KCTD1: variants seen among roughly 807,000 people sequenced by gnomAD.
The protein encoded by KCTD1 is BTB/POZ domain-containing protein KCTD1.
In KCTD1, 24 loss-of-function variants were observed where a neutral mutation model predicts 66.0. The observed-to-expected ratio is 0.36, with a 90% CI of 0.26 to 0.51. The LOEUF (loss-of-function observed/expected upper bound fraction) is 0.51. KCTD1 is among the 20% of genes least tolerant of loss of function. KCTD1 has a pLI of 0.95. For missense variants in KCTD1, 943 were observed against 1,205.2 expected (o/e 0.78, Z 3.22); for synonymous variants, 511 against 517.2 (o/e 0.99, Z 0.16).
intron 1 of KCTD1, among the ~76,000 whole-genome samples, chr18:26,546,066 C>A (rs1953041885): frequency 6.6e-6 from 1 of 152,090 alleles, no homozygotes; most frequent in South Asian, 2.1e-4. Context: ...GCACCACAGG[C>A]CCATACTCCA....
intron 1 of KCTD1, among the ~76,000 whole-genome samples, chr18:26,564,539 A>G (rs1231965536): frequency 6.6e-6 from 1 of 152,090 alleles, no homozygotes; most frequent in Non-Finnish European, 1.5e-5. Context: ...ATACTTCTAT[A>G]TTATTTTATT....
At chr18:26,636,583 C>T (rs1218681530) in intron 1 of KCTD1, among the ~76,000 whole-genome samples, 3 of 152,298 alleles carry the variant, frequency 2.0e-5, no homozygotes, top group African/African-American at 7.2e-5. Context: ...AAAGTAATCG[C>T]GGTTCTTCTT....
intron 1 of KCTD1, among the ~76,000 whole-genome samples, chr18:26,567,871 CT>C (rs1567996282): frequency 1.3e-5 from 2 of 152,144 alleles, no homozygotes; most frequent in Admixed American, 6.5e-5. Flanking sequence ...AAAAAAGCAG[CT>C]GTCCTTCTCC....
At chr18:26,603,787 T>C (rs977895316) in intron 1 of KCTD1, among the ~76,000 whole-genome samples, 1 of 141,112 alleles carries the variant, frequency 7.1e-6, no homozygotes. Context: ...AATAAATAAA[T>C]AAAACCCCAC....
intron 1 of KCTD1, among the ~76,000 whole-genome samples, chr18:26,578,049 T>TTTTCTTTTCTTTTC (rs1567999093): frequency 7.1e-6 from 1 of 141,260 alleles, no homozygotes; most frequent in Admixed American, 7.5e-5. Flanking sequence ...TTTTCTTTTC[T>TTTTCTTTTCTTTTC]TTTCTTTCTT....
chr18:26,457,944 G>A (rs1324362053), intron 4 of KCTD1: 1 of 152,272 alleles, frequency 6.6e-6, no homozygotes, highest in Admixed American at 6.5e-5. Flanking sequence ...GCCCAAAGGT[G>A]TGGCCGAGGC....
At chr18:26,559,479 G>A (rs1335229387) in intron 1 of KCTD1, among the ~76,000 whole-genome samples, 1 of 152,230 alleles carries the variant, frequency 6.6e-6, no homozygotes, top group Non-Finnish European at 1.5e-5. Flanking sequence ...GTGGAGCTGA[G>A]CATGTGCACA....
intron 3 of KCTD1, among the ~76,000 whole-genome samples, chr18:26,467,596 A>C (rs570575681): frequency 6.6e-6 from 1 of 152,204 alleles, no homozygotes; most frequent in Admixed American, 6.5e-5. Context: ...TGGGTGGATC[A>C]CCTGAGGTCA....
chr18:26,545,748 T>C (rs1985181319), intron 1 of KCTD1: 1 of 152,012 alleles, frequency 6.6e-6, no homozygotes, highest in South Asian at 2.1e-4. Context: ...AATATAACTT[T>C]AATAATACTC....
chr18:26,547,209 T>C lies in KCTD1; in HGVS notation c.1328A>G (p.Lys443Arg), dbSNP rs1033190737. 2 of 1,549,916 alleles carry C rather than the reference T, an allele frequency of 1.3e-6. No homozygotes were observed. Among genetic ancestry groups the C allele is most frequent in the Non-Finnish European group, 1.7e-6 (2 of 1,146,502 alleles). Residue 443 changes from lysine to arginine, a missense_variant, in exon 1 of 5, where the codon AAG (lysine) becomes AGG (arginine). Around this residue, in one of 10 missense-constraint regions of KCTD1, gnomAD observed 79 missense variants for 133.9 expected, o/e 0.59. Transcript: ENST00000580059. ...TRMQMLSKAA[K>R]LSKTYTNHCI... ...GTGGTTGGTGTAGGTCTTGGAGAGC[T>C]TGGCCGCCTTGGAGAGCATCTGCAT...
chr18:26,645,643 C>T (rs1047188589), intron 1 of KCTD1, among the ~76,000 whole-genome samples: 1 of 152,168 alleles, frequency 6.6e-6, no homozygotes, highest in Non-Finnish European at 1.5e-5. Context: ...AGCAATCCTC[C>T]CACCTTGGCC....
chr18:26,643,777 A>G (rs9966334), upstream of KCTD1, among the ~76,000 whole-genome samples: 1,831 of 152,290 alleles, frequency 0.012, 53 homozygotes, highest in South Asian at 0.075. Context: ...CCTGGCTAAC[A>G]CGATGAAACC....
upstream of KCTD1, chr18:26,549,673 C>CG (rs1475096407): frequency 7.2e-6 from 7 of 974,044 alleles, no homozygotes; most frequent in Non-Finnish European, 8.5e-6. Flanking sequence ...ACTTGTGTCT[C>CG]GGCCGACCCT....
chr18:26,657,449 G>C (rs1191099941), upstream of KCTD1: 13 of 929,464 alleles, frequency 1.4e-5, no homozygotes, highest in Middle Eastern at 5.5e-4. Flanking sequence ...CGATCTGCTC[G>C]GCTCGCCACA....
upstream of KCTD1, among the ~76,000 whole-genome samples, chr18:26,641,710 C>T (rs1454278870): frequency 6.6e-6 from 1 of 152,076 alleles, no homozygotes; most frequent in Admixed American, 6.5e-5. Context: ...GTGGGCAGAG[C>T]CTGTTCCATG....
intron 1 of KCTD1, among the ~76,000 whole-genome samples, chr18:26,618,465 C>A (rs1176395650): frequency 6.6e-6 from 1 of 152,126 alleles, no homozygotes; most frequent in Non-Finnish European, 1.5e-5. Flanking sequence ...CTCAGAGAAC[C>A]GCAAATCAAG....
At chr18:26,599,420 G>T in intron 1 of KCTD1, 1 of 1,611,608 alleles carries the variant, frequency 6.2e-7, no homozygotes, top group East Asian at 2.2e-5. Flanking sequence ...CAGATTTTGG[G>T]ATCTCTGCTG....
chr18:26,644,438 A>G (rs1987894002), upstream of KCTD1, among the ~76,000 whole-genome samples: 1 of 152,062 alleles, frequency 6.6e-6, no homozygotes. Flanking sequence ...GAGAGTTGAC[A>G]AGGAAGACAA....
At position 26,547,680 on chromosome 18, in the gene KCTD1, C is replaced by A; in HGVS notation, c.857G>T (p.Arg286Leu). ...GPVVQKQAIT[R>L]ADLRKLYTSS... ...GGTGTACAGCTTGCGCAGGTCGGCG[C>A]GCGTGATGGCTTGCTTCTGCACCAC... Residue 286 changes from arginine to leucine, a missense_variant, in exon 1 of 5, where the codon CGC becomes CTC. Transcript: ENST00000580059. 1 of 1,551,234 alleles carries A rather than the reference C, an allele frequency of 6.4e-7. No homozygotes were observed. Among genetic ancestry groups the A allele is most frequent in the Non-Finnish European group, 8.7e-7 (1 of 1,146,980 alleles).
Sources: gnomAD v4.1 joint callset for allele counts (sites outside exome capture counted in the v4.1 genomes callset) on GRCh38, gnomAD v4.1.1 for gene constraint, gnomAD v4.1.1 regional missense constraint, MANE v1.5 for transcripts, NCBI Gene and HGNC (gene_info 2026-07-23, HGNC 2026-07-21) for gene names.